The following PNLDC1 variants were observed in gnomAD, a reference collection of about 807,000 sequenced individuals.
The protein encoded by PNLDC1 is poly(A)-specific ribonuclease PNLDC1.
Under a neutral mutation model 82.0 loss-of-function variants are expected in PNLDC1, and 70 were observed. That is an observed-to-expected ratio of 0.85 (90% CI 0.70 to 1.04). PNLDC1 has a LOEUF of 1.04. Among genes scored for constraint, PNLDC1 ranks in the 50% least tolerant of loss-of-function variants. The probability of loss-of-function intolerance (pLI) is 0.00; values close to 1 mark genes in which losing one functional copy is unlikely to be tolerated. For synonymous variants in PNLDC1, 280 were observed against 249.3 expected (o/e 1.12, Z -1.16); for missense variants, 631 against 661.1 (o/e 0.95, Z 0.50).
intron 10 of PNLDC1, among the ~76,000 whole-genome samples, chr6:159,811,260 A>T (rs547017434): frequency 1.3e-5 from 2 of 152,210 alleles, no homozygotes; most frequent in Non-Finnish European, 2.9e-5. Flanking sequence ...GGTATAACTG[A>T]TAACTTTACC....
intron 3 of PNLDC1, 76 bp downstream of exon 3, chr6:159,801,262 GCT>G (rs1411648283): frequency 7.4e-7 from 1 of 1,345,766 alleles, no homozygotes; most frequent in Non-Finnish European, 1.1e-6. Flanking sequence ...TGTAAAAACA[GCT>G]CTGAGATTTT....
At position 159,819,381 on chromosome 6, in the gene PNLDC1, G is replaced by C; in HGVS notation, c.1532+29G>C. The C allele has an allele frequency of 1.3e-6, 2 of 1,596,386 alleles. No individual in the cohort carries two copies. Among genetic ancestry groups the C allele is most frequent in the East Asian group, 2.2e-5 (1 of 44,518 alleles). Reference sequence around the variant, plus strand: ...AGTGACAGGCTGAGGCCACCTGCCTGTCCTGGGGTCCTGGAGTGCCCGGGG... The same window carrying C: ...AGTGACAGGCTGAGGCCACCTGCCTCTCCTGGGGTCCTGGAGTGCCCGGGG... On this transcript the variant is annotated intron_variant, in intron 18 of 18. Transcript: ENST00000392167. The surrounding 1 kb of genome is among the most constrained non-coding windows in gnomAD (Gnocchi z 4.6).
chr6:159,813,452 A>C, intron 11 of PNLDC1, 149 bp from the exon 12 acceptor site: 1 of 688,656 alleles, frequency 1.5e-6, no homozygotes. Context: ...TAACTAAGGA[A>C]TAAGGATGGT....
At position 159,818,525 on chromosome 6, in the gene PNLDC1, C is replaced by T. The variant is rs145550745; in HGVS notation, c.1158-30C>T. ...GGAAGTGGATGAACTTCTGTGCGCC[C>T]GACAGCTTTGGGGTTTTCTGTCCTT... On this transcript the variant is annotated intron_variant, in intron 15 of 18. Transcript: ENST00000392167. 2.4e-4 allele frequency: 379 copies of T among 1,596,302 alleles called. 1 individual carries two copies. The African/African-American group carries it at 4.4e-3, about 19-fold the overall frequency.
chr6:159,811,440 A>G (rs1307147969), intron 10 of PNLDC1, among the ~76,000 whole-genome samples: 1 of 152,194 alleles, frequency 6.6e-6, no homozygotes, highest in Non-Finnish European at 1.5e-5. Flanking sequence ...AGCTTCGCAA[A>G]CTACATTAAC....
In PNLDC1 at chr6:159,813,615, G is replaced by T. The variant is rs759032761; in HGVS notation, c.954G>T (p.Pro318=). 2.5e-6 allele frequency: 4 copies of T among 1,613,326 alleles called. No individual in the cohort carries two copies. In the South Asian group the frequency reaches 4.4e-5, roughly 18 times the overall value. ...TKDIWKEMNF[P]RVSNLSEVYE... is the part of the protein sequence containing the mutation. ...CATGATTGTAGGAGATGAATTTCCC[G>T]AGGGTGTCGAATCTTTCGGAAGTCT... Residue 318 remains proline, a synonymous_variant, in exon 12 of 19, where the codon CCG becomes CCT. Transcript: ENST00000392167.
chr6:159,803,033 C>T (rs1328421169), intron 3 of PNLDC1, among the ~76,000 whole-genome samples: 3 of 152,022 alleles, frequency 2.0e-5, no homozygotes, highest in Non-Finnish European at 4.4e-5. Context: ...TTAATATTTA[C>T]TTCTGTATTT....
intron 4 of PNLDC1, 169 bp downstream of exon 4, chr6:159,803,479 T>G: frequency 1.6e-6 from 1 of 629,346 alleles, no homozygotes; most frequent in Non-Finnish European, 2.8e-6. Flanking sequence ...CCAGCTTGTC[T>G]TTGATGTCTC....
chr6:159,809,985 A>AT lies in PNLDC1; in HGVS notation c.784-34dup, dbSNP rs753018632. 45 of 1,536,882 alleles carry AT rather than the reference A, an allele frequency of 2.9e-5. No individual in the cohort carries two copies. In the African/African-American group the frequency reaches 6.0e-4, roughly 21 times the overall value. ...TGTTAGTCTGTAGTGTCTGGATTACATTTTTTTATTTTCTCTCACCTGTTG... is the reference window on the plus strand; with the variant it reads ...TGTTAGTCTGTAGTGTCTGGATTACATTTTTTTTATTTTCTCTCACCTGTTG... On this transcript the variant is annotated intron_variant, in intron 9 of 18. Coordinates refer to ENST00000392167, the MANE Select transcript of PNLDC1 (RefSeq NM_001271862.2).
At position 159,804,108 on chromosome 6, in the gene PNLDC1, G is replaced by A. The variant is rs753846258; in HGVS notation, c.372+20G>A. On this transcript the variant is annotated intron_variant, in intron 5 of 18. Coordinates refer to ENST00000392167, the MANE Select transcript of PNLDC1 (RefSeq NM_001271862.2). Reference sequence around the variant, plus strand: ...AACAAGGTATGGCATTGGAGGAGGGGAACGGGAATGTCTTTTGTTTGTTTC... The same window carrying A: ...AACAAGGTATGGCATTGGAGGAGGGAAACGGGAATGTCTTTTGTTTGTTTC... The A allele has an allele frequency of 6.2e-6, 10 of 1,611,014 alleles. No homozygotes were observed. The highest frequency in any genetic ancestry group is 8.5e-6 in the Non-Finnish European group (10 of 1,178,800).
At chr6:159,801,405 A>G (rs1033516532) in intron 3 of PNLDC1, among the ~76,000 whole-genome samples, 1 of 152,192 alleles carries the variant, frequency 6.6e-6, no homozygotes, top group Non-Finnish European at 1.5e-5. Flanking sequence ...AGTATTAAGG[A>G]ACACTCACTG....
At chr6:159,805,333 A>G (rs1349600385) in intron 6 of PNLDC1, among the ~76,000 whole-genome samples, 9 of 152,312 alleles carry the variant, frequency 5.9e-5, no homozygotes, top group Middle Eastern at 3.4e-3. Context: ...TGAACAAGGT[A>G]TGGAAGCTCT....
chr6:159,811,884 T>TTTTTGTTTTGTTTTGTTTTG (rs71758879), intron 11 of PNLDC1, 98 bp downstream of exon 11: 1 of 885,244 alleles, frequency 1.1e-6, no homozygotes, highest in Non-Finnish European at 1.7e-6. Flanking sequence ...TTTTTTGTTT[T>TTTTTGTTTTGTTTTGTTTTG]TTTTGTTTTG....
chr6:159,806,826 A>G (rs894904793), intron 7 of PNLDC1, among the ~76,000 whole-genome samples: 2 of 152,156 alleles, frequency 1.3e-5, no homozygotes, highest in African/African-American at 4.8e-5. Flanking sequence ...GTGTGTGCCA[A>G]AATACAGTGA....
intron 7 of PNLDC1, 29 bp from the exon 8 acceptor site, chr6:159,808,711 C>T: frequency 1.2e-6 from 2 of 1,600,530 alleles, no homozygotes; most frequent in Non-Finnish European, 1.7e-6. Flanking sequence ...GTTCCAGGTG[C>T]TGTGTGCCCC....
At position 159,818,565 on chromosome 6, in the gene PNLDC1, G is replaced by A. The variant is rs373238350; in HGVS notation, c.1168G>A (p.Val390Met). The A allele has an allele frequency of 1.4e-5, 23 of 1,613,546 alleles. No homozygotes were observed. Among genetic ancestry groups the A allele is most frequent in the African/African-American group, 5.3e-5 (4 of 74,920 alleles). The change falls in exon 16 of 19, where the codon GTG (valine) becomes ATG (methionine). Residue 390 changes from valine (V) to methionine (M), a missense_variant. By Grantham distance (21) the Val-to-Met change is conservative. Transcript: ENST00000392167. ...TTTCTGTCCTTGCAGCATCGACCCC[G>A]TGCCCGAGTCATCCTTTCCTCAGTA... ...LLQKIYHIDP[V>M]PESSFPQYLD...
chr6:159,817,619 G>A (rs1781879936), intron 15 of PNLDC1, among the ~76,000 whole-genome samples: 1 of 152,234 alleles, frequency 6.6e-6, no homozygotes, highest in Non-Finnish European at 1.5e-5. Context: ...GGAATCTTCA[G>A]TGCATTTCCC....
At position 159,804,002 on chromosome 6, in the gene PNLDC1, A is replaced by G. The variant is rs748393092; in HGVS notation, c.286A>G (p.Thr96Ala). 1 of 1,613,470 alleles carries G rather than the reference A, an allele frequency of 6.2e-7. No individual in the cohort carries two copies. The highest frequency in any genetic ancestry group is 8.5e-7 in the Non-Finnish European group (1 of 1,179,430). ...AHSCNFYLFPTTFGILDSEFS... is the reference protein window; with the variant it reads ...AHSCNFYLFPATFGILDSEFS... Reference sequence around the variant, plus strand: ...TTCTTGTAACTTCTATCTCTTCCCTACAACGTTTGGGATTTTGGACTCAGA... The same window carrying G: ...TTCTTGTAACTTCTATCTCTTCCCTGCAACGTTTGGGATTTTGGACTCAGA... Residue 96 changes from threonine to alanine, a missense_variant, in exon 5 of 19, where the codon ACA becomes GCA. Physicochemically the swap from Thr to Ala is moderately conservative, Grantham distance 58. Transcript: ENST00000392167.
rs574777950 is a variant in PNLDC1 at position 159,800,410 on chromosome 6, G to T, written c.76+27G>T. ...TGAAGAGCCTGGGATTCGCGGCTGTGCCGGACAGAGCCCCTTGCCCCGGGC... is the reference window on the plus strand; with the variant it reads ...TGAAGAGCCTGGGATTCGCGGCTGTTCCGGACAGAGCCCCTTGCCCCGGGC... On this transcript the variant is annotated intron_variant, in intron 1 of 18. Coordinates refer to ENST00000392167, the MANE Select transcript of PNLDC1 (RefSeq NM_001271862.2). 268 of 1,541,402 alleles carry T rather than the reference G, an allele frequency of 1.7e-4. 3 individuals carry two copies. In the East Asian group the frequency reaches 5.0e-3, roughly 29 times the overall value.
Sources: allele counts gnomAD v4.1 joint callset (sites outside exome capture counted in the v4.1 genomes callset), GRCh38; gene constraint gnomAD v4.1.1; non-coding constraint Gnocchi (gnomAD v3.1); transcripts MANE v1.5; gene names NCBI Gene and HGNC (gene_info 2026-07-23, HGNC 2026-07-21).